The following DYNC1I1 variants were observed in gnomAD, a reference collection of about 807,000 sequenced individuals.
The protein encoded by DYNC1I1 is cytoplasmic dynein 1 intermediate chain 1.
DYNC1I1 carries 43 observed loss-of-function variants against 86.6 expected under a neutral mutation model. That is an observed-to-expected ratio of 0.50 (90% CI 0.39 to 0.64). The LOEUF is 0.64. DYNC1I1 is among the 30% of genes least tolerant of loss of function. The probability of loss-of-function intolerance (pLI) is 0.00; values close to 1 mark genes in which losing one functional copy is unlikely to be tolerated. For synonymous variants in DYNC1I1, 262 were observed against 283.7 expected, an observed-to-expected ratio of 0.92 and a Z score of 0.77; for missense variants, 604 against 788.8, an observed-to-expected ratio of 0.77 and a Z score of 2.81.
intron 16 of DYNC1I1, among the ~76,000 whole-genome samples, chr7:96,090,865 C>T (rs1436887918): frequency 1.3e-5 from 2 of 152,286 alleles, no homozygotes. Flanking sequence ...TATTTACACC[C>T]TCTGTATATT....
At chr7:95,965,791 G>A (rs1051608159) in intron 6 of DYNC1I1, among the ~76,000 whole-genome samples, 14 of 152,148 alleles carry the variant, frequency 9.2e-5, no homozygotes, top group African/African-American at 3.4e-4. Context: ...TTGATTGCAA[G>A]TGACTGAGGA....
At chr7:95,860,086 G>C (rs1437277237) in intron 5 of DYNC1I1, among the ~76,000 whole-genome samples, 1 of 152,132 alleles carries the variant, frequency 6.6e-6, no homozygotes, top group African/African-American at 2.4e-5. Context: ...TTTCATGCAC[G>C]GTTATTCAAA....
intron 5 of DYNC1I1, among the ~76,000 whole-genome samples, chr7:95,857,701 T>G (rs2116102945): frequency 6.6e-6 from 1 of 152,334 alleles, no homozygotes; most frequent in South Asian, 2.1e-4. Context: ...TCAGGCATTG[T>G]TTCCACCATA....
At chr7:96,075,948 G>A in intron 14 of DYNC1I1, 109 bp from the exon 15 acceptor site, 1 of 1,447,144 alleles carries the variant, frequency 6.9e-7, no homozygotes, top group Non-Finnish European at 9.2e-7. Context: ...CTTTCATCTC[G>A]GGAAGTTTTA....
intron 6 of DYNC1I1, among the ~76,000 whole-genome samples, chr7:95,873,057 C>T (rs926898420): frequency 2.0e-5 from 3 of 152,140 alleles, no homozygotes; most frequent in African/African-American, 7.2e-5. Context: ...TCTTAATCTG[C>T]TGGAAAGATG....
At chr7:95,852,945 T>C (rs1260451699) in intron 5 of DYNC1I1, among the ~76,000 whole-genome samples, 1 of 152,192 alleles carries the variant, frequency 6.6e-6, no homozygotes, top group Non-Finnish European at 1.5e-5. Flanking sequence ...TTTTATTCCA[T>C]GTTTTTGTGC....
chr7:95,861,811 G>A (rs1789888320), intron 5 of DYNC1I1, among the ~76,000 whole-genome samples: 1 of 152,076 alleles, frequency 6.6e-6, no homozygotes, highest in Non-Finnish European at 1.5e-5. Context: ...ATAACCCCTG[G>A]GAAACTTGCA....
chr7:95,961,909 T>A (rs1375532330), intron 6 of DYNC1I1, among the ~76,000 whole-genome samples: 1 of 152,192 alleles, frequency 6.6e-6, no homozygotes, highest in African/African-American at 2.4e-5. Context: ...TTGCTCCCTC[T>A]CCACATGGTT....
At chr7:96,076,927 G>A (rs900903741) in intron 15 of DYNC1I1, among the ~76,000 whole-genome samples, 2 of 152,032 alleles carry the variant, frequency 1.3e-5, no homozygotes, top group Non-Finnish European at 1.5e-5. Context: ...CACATGCATT[G>A]TTCCTTTTTG....
chr7:95,807,468 GATC>G (rs1584241177), intron 2 of DYNC1I1, among the ~76,000 whole-genome samples: 2 of 152,234 alleles, frequency 1.3e-5, no homozygotes, highest in Admixed American at 6.5e-5. Context: ...AATTCGCAGT[GATC>G]ATCAGGTCTG....
At chr7:95,805,656 T>C (rs1038974057) in intron 2 of DYNC1I1, among the ~76,000 whole-genome samples, 3 of 152,190 alleles carry the variant, frequency 2.0e-5, no homozygotes, top group African/African-American at 7.2e-5. Flanking sequence ...AAATAATTTA[T>C]TTTTAATTCT....
intron 6 of DYNC1I1, among the ~76,000 whole-genome samples, chr7:95,929,172 C>A (rs1403959280): frequency 6.6e-6 from 1 of 152,096 alleles, no homozygotes; most frequent in Non-Finnish European, 1.5e-5. Context: ...GCTCTTCCAT[C>A]CTGCAATGCC....
At chr7:95,961,638 G>T (rs1792872018) in intron 6 of DYNC1I1, among the ~76,000 whole-genome samples, 1 of 152,162 alleles carries the variant, frequency 6.6e-6, no homozygotes, top group Admixed American at 6.5e-5. Context: ...AACCTTGAAG[G>T]TTCAAACAGT....
intron 14 of DYNC1I1, among the ~76,000 whole-genome samples, chr7:96,075,349 T>A (rs1317605016): frequency 2.0e-5 from 3 of 152,112 alleles, no homozygotes; most frequent in Non-Finnish European, 2.9e-5. Context: ...CACTGGGTGA[T>A]CTAGGAATAC....
At chr7:96,096,727 A>G (rs1791018356) in intron 16 of DYNC1I1, among the ~76,000 whole-genome samples, 1 of 152,100 alleles carries the variant, frequency 6.6e-6, no homozygotes, top group Non-Finnish European at 1.5e-5. Context: ...TTTTTGATGA[A>G]TCAGTATAGC....
intron 6 of DYNC1I1, among the ~76,000 whole-genome samples, chr7:95,870,962 G>A (rs1790147454): frequency 6.6e-6 from 1 of 152,068 alleles, no homozygotes; most frequent in South Asian, 2.1e-4. Flanking sequence ...GGAATTCTGG[G>A]TTCCTTGTTG....
intron 10 of DYNC1I1, among the ~76,000 whole-genome samples, chr7:96,021,019 G>A (rs774462492): frequency 1.3e-5 from 2 of 152,088 alleles, no homozygotes; most frequent in Non-Finnish European, 2.9e-5. Flanking sequence ...GGATGGGGGA[G>A]GAATGAGGAG....
intron 1 of DYNC1I1, among the ~76,000 whole-genome samples, chr7:95,793,709 C>T (rs1037100218): frequency 4.6e-5 from 7 of 152,122 alleles, no homozygotes; most frequent in Non-Finnish European, 2.9e-5. Context: ...TGTTTTATGC[C>T]AGTGGGTTAT....
intron 6 of DYNC1I1, among the ~76,000 whole-genome samples, chr7:95,945,287 C>T (rs933813653): frequency 1.3e-5 from 2 of 152,020 alleles, no homozygotes; most frequent in Middle Eastern, 3.4e-3. Flanking sequence ...ATTTCACTGT[C>T]TCTAGAAAGA....
Sources: gnomAD v4.1 joint callset for allele counts (sites outside exome capture counted in the v4.1 genomes callset) on GRCh38, gnomAD v4.1.1 for gene constraint, MANE v1.5 for transcripts, NCBI Gene and HGNC (gene_info 2026-07-23, HGNC 2026-07-21) for gene names.